RRM2: variants seen among roughly 807,000 people sequenced by gnomAD.
RRM2 encodes the protein ribonucleoside-diphosphate reductase subunit M2.
In RRM2, 6 loss-of-function variants were observed where a neutral mutation model predicts 45.9. The observed-to-expected ratio is 0.13, with a 90% CI of 0.07 to 0.26. The LOEUF (loss-of-function observed/expected upper bound fraction) is 0.26, where lower values mean the gene tolerates loss of function less well. RRM2 is among the 10% of genes least tolerant of loss of function. The probability of loss-of-function intolerance (pLI) is 1.00; values close to 1 mark genes in which losing one functional copy is unlikely to be tolerated. For synonymous variants in RRM2, 177 were observed against 173.0 expected, an observed-to-expected ratio of 1.02 and a Z score of -0.18; for missense variants, 343 against 489.5, an observed-to-expected ratio of 0.70 and a Z score of 2.82.
rs867116739 is a variant in RRM2 at position 10,205,989 on chromosome 2, G to A, written n.483-4322G>A. Among the ~76,000 whole-genome samples the A allele has an allele frequency of 4.6e-5, 7 of 152,102 alleles. No homozygotes were observed. The South Asian group carries it at 8.3e-4, about 18-fold the overall frequency. On this transcript the variant is annotated intron_variant and non_coding_transcript_variant, in intron 3 of 3. Transcript: ENST00000381786. The surrounding 1 kb of genome is among the most constrained non-coding windows in gnomAD (Gnocchi z 4.8). ...ATTACAGGCATGAGCCACTGCGCCT[G>A]GCCAAGAGGGTGTCTGGGAGGCCGA...
rs375182199 is a variant in RRM2, at chr2:10,128,920, G to C, written c.871G>C (p.Glu291Gln). 6.9e-5 allele frequency: 112 copies of C among 1,614,146 alleles called. 1 individual carries two copies. The highest frequency in any genetic ancestry group is 1.6e-4 in the Middle Eastern group (1 of 6,062). Residue 291 changes from glutamate to glutamine, a missense_variant, in exon 8 of 10, where the codon GAA becomes CAA. Glu to Gln is a conservative substitution (Grantham distance 29, BLOSUM62 2). Coordinates refer to ENST00000304567, the MANE Select transcript of RRM2 (RefSeq NM_001034.4). ...VHKPSEERVREIIINAVRIEQ... is the reference protein window; with the variant it reads ...VHKPSEERVRQIIINAVRIEQ... ...CAAACCATCGGAGGAGAGAGTAAGA[G>C]AAATAATTATCAATGCTGTTCGGAT... is the stretch of plus-strand genomic sequence containing the variant.
upstream of RRM2, among the ~76,000 whole-genome samples, chr2:10,139,842 C>T (rs1471398620): frequency 3.3e-5 from 5 of 152,248 alleles, no homozygotes; most frequent in Non-Finnish European, 7.3e-5. Context: ...TTTCCTTCCT[C>T]CACCCCTGGA....
chr2:10,133,942 G>T (rs1056281914), downstream of RRM2, among the ~76,000 whole-genome samples: 2 of 151,992 alleles, frequency 1.3e-5, no homozygotes, highest in African/African-American at 4.8e-5. Flanking sequence ...ACTTTGGGAG[G>T]CTGAGGTGGG....
intron 3 of RRM2, among the ~76,000 whole-genome samples, chr2:10,168,024 A>G (rs1250719506): frequency 1.4e-5 from 2 of 146,446 alleles, no homozygotes; most frequent in Non-Finnish European, 1.5e-5. Context: ...TAGAAAAGAC[A>G]AAGGCTTTTC....
At chr2:10,202,449 G>A (rs185949292) in intron 3 of RRM2, among the ~76,000 whole-genome samples, 12 of 152,322 alleles carry the variant, frequency 7.9e-5, no homozygotes, top group African/African-American at 2.9e-4. Context: ...ATTTATTTTG[G>A]AGAATAAACC....
chr2:10,134,170 CA>C (rs35568069), downstream of RRM2, among the ~76,000 whole-genome samples: 1,498 of 101,430 alleles, frequency 0.015, 11 homozygotes, highest in South Asian at 0.026. Flanking sequence ...AACTCCATCT[CA>C]AAAAAAAAAA....
intron 3 of RRM2, chr2:10,199,027 C>G (rs984567665): frequency 6.6e-6 from 1 of 152,056 alleles, no homozygotes; most frequent in African/African-American, 2.4e-5. Context: ...AATGTTGATG[C>G]TCCTGCTTTG....
At chr2:10,141,625 A>C (rs1663080346) in exon 1 of RRM2, 1 of 582,464 alleles carries the variant, frequency 1.7e-6, no homozygotes. Context: ...AAGGATTCCA[A>C]GATCACACGG....
intron 3 of RRM2, among the ~76,000 whole-genome samples, chr2:10,164,204 AAG>A (rs2125319997): frequency 6.6e-6 from 1 of 152,232 alleles, no homozygotes; most frequent in Admixed American, 6.5e-5. Flanking sequence ...CATTATTTTA[AAG>A]AGAGGCAGCA....
chr2:10,159,556 C>T (rs1663512578), intron 3 of RRM2, among the ~76,000 whole-genome samples: 1 of 152,182 alleles, frequency 6.6e-6, no homozygotes, highest in Admixed American at 6.5e-5. Context: ...AGGTGGAGCT[C>T]TGAGCGGTGT....
intron 3 of RRM2, among the ~76,000 whole-genome samples, chr2:10,179,886 T>C (rs959255412): frequency 1.3e-5 from 2 of 152,226 alleles, no homozygotes; most frequent in Non-Finnish European, 2.9e-5. Flanking sequence ...TTTATTATTA[T>C]GACATTCTGG....
chr2:10,208,064 T>C (rs1232377639), intron 3 of RRM2, among the ~76,000 whole-genome samples: 1 of 152,096 alleles, frequency 6.6e-6, no homozygotes, highest in African/African-American at 2.4e-5. Context: ...TATAAATGAA[T>C]AGTAAGTAAG....
In RRM2 at chr2:10,123,829, G is replaced by T; in HGVS notation, c.412G>T (p.Asp138Tyr). ...TGTTCTGGCTTTCTTTGCAGCAAGCGATGGCATAGTAAATGAAAACTTGGT... is the reference window on the plus strand; with the variant it reads ...TGTTCTGGCTTTCTTTGCAGCAAGCTATGGCATAGTAAATGAAAACTTGGT... ...SHVLAFFAAS[D>Y]GIVNENLVER... The change falls in exon 4 of 10, where the codon GAT becomes TAT. Residue 138 changes from aspartate (D) to tyrosine (Y), a missense_variant. Transcript: ENST00000304567. 1 of 1,598,314 alleles carries T rather than the reference G, an allele frequency of 6.3e-7. No individual in the cohort carries two copies. The highest frequency in any genetic ancestry group is 8.6e-7 in the Non-Finnish European group (1 of 1,165,744).
chr2:10,126,919 A>G lies in RRM2; in HGVS notation c.614A>G (p.Lys205Arg). The change falls in exon 6 of 10, where the codon AAG (lysine) becomes AGG (arginine). Residue 205 changes from lysine to arginine, a missense_variant. This residue lies in a region of RRM2 where 212 missense variants were observed against 368.1 expected (regional missense o/e 0.58). Coordinates refer to ENST00000304567, the MANE Select transcript of RRM2 (RefSeq NM_001034.4). ...NAIETMPCVK[K>R]KADWALRWIG... ...ATTGAAACGATGCCTTGTGTCAAGA[A>G]GAAGGCAGACTGGGCCTTGCGCTGG... The G allele has an allele frequency of 6.2e-7, 1 of 1,614,186 alleles. No homozygotes were observed. Among genetic ancestry groups the G allele is most frequent in the East Asian group, 2.2e-5 (1 of 44,890 alleles).
chr2:10,141,511 G>A, exon 1 of RRM2: 1 of 302,408 alleles, frequency 3.3e-6, no homozygotes, highest in Non-Finnish European at 6.4e-6. Flanking sequence ...GTCACTGCCA[G>A]CAGAGGTCTG....
upstream of RRM2, among the ~76,000 whole-genome samples, chr2:10,136,592 A>C (rs1035533386): frequency 1.3e-5 from 2 of 152,174 alleles, no homozygotes; most frequent in African/African-American, 2.4e-5. Context: ...CAATATAAGG[A>C]GACCCTATCT....
chr2:10,186,022 C>A (rs953503676), intron 3 of RRM2, among the ~76,000 whole-genome samples: 2 of 152,196 alleles, frequency 1.3e-5, no homozygotes, highest in Non-Finnish European at 2.9e-5. Flanking sequence ...AGCCTAAATT[C>A]GGCAGAAATC....
At chr2:10,126,823 G>A in intron 5 of RRM2, 52 bp from the exon 6 acceptor site, 3 of 1,374,124 alleles carry the variant, frequency 2.2e-6, no homozygotes, top group South Asian at 1.2e-5. Flanking sequence ...GTTGGTAATC[G>A]GAGGTCTTTT....
intron 3 of RRM2, among the ~76,000 whole-genome samples, chr2:10,157,617 C>T (rs576767651): frequency 1.7e-4 from 26 of 152,250 alleles, no homozygotes; most frequent in African/African-American, 5.8e-4. Flanking sequence ...CCTTTTTTGG[C>T]TTGACTCAAC....
Sources: allele counts gnomAD v4.1 joint callset (sites outside exome capture counted in the v4.1 genomes callset), GRCh38; gene constraint gnomAD v4.1.1; regional missense constraint gnomAD v4.1.1; non-coding constraint Gnocchi (gnomAD v3.1); transcripts MANE v1.5; gene names NCBI Gene and HGNC (gene_info 2026-07-23, HGNC 2026-07-21).